The following NCAM1 variants were observed in gnomAD, a reference collection of about 807,000 sequenced individuals.
NCAM1 encodes the protein antigen recognized by monoclonal antibody 5.1H11.
A neutral mutation model predicts 109.8 loss-of-function variants in NCAM1; 14 were observed. The ratio of observed to expected loss-of-function variants is 0.13; its 90% confidence interval spans 0.08 to 0.20. The LOEUF is 0.20. NCAM1 is among the 10% of genes least tolerant of loss of function. NCAM1 has a pLI of 1.00. For missense variants in NCAM1, 774 were observed against 1,109.9 expected (o/e 0.70, Z 4.30); for synonymous variants, 418 against 442.9 (o/e 0.94, Z 0.70).
intron 1 of NCAM1, among the ~76,000 whole-genome samples, chr11:113,025,756 A>C (rs1382045921): frequency 6.9e-6 from 1 of 145,716 alleles, no homozygotes; most frequent in Non-Finnish European, 1.5e-5. Context: ...ATTGGAAATG[A>C]GATTGGAACG....
chr11:112,981,930 T>A (rs943115260), intron 1 of NCAM1, among the ~76,000 whole-genome samples: 1 of 151,900 alleles, frequency 6.6e-6, no homozygotes, highest in Non-Finnish European at 1.5e-5. Flanking sequence ...TTTTTTAGAA[T>A]GAGTTCAGTA....
chr11:113,199,227 C>T (rs184837730), intron 1 of NCAM1, among the ~76,000 whole-genome samples: 20 of 151,864 alleles, frequency 1.3e-4, no homozygotes, highest in African/African-American at 4.1e-4. Flanking sequence ...TGCCCAGTGA[C>T]GAAATTCCAC....
intron 1 of NCAM1, among the ~76,000 whole-genome samples, chr11:113,094,749 C>T (rs1939516457): frequency 1.3e-5 from 2 of 152,164 alleles, no homozygotes; most frequent in Admixed American, 1.3e-4. Context: ...TCAGCAAGGG[C>T]ATCTGGGCTA....
rs184725619 is a variant in NCAM1 at position 113,166,560 on chromosome 11, T to G, written c.53-35819T>G. ...TTTAAAGATTGATGTGATATGAATA[T>G]GAGAGGACATGGCAAAGTACAAGGA... On this transcript the variant is annotated intron_variant, in intron 1 of 19. Coordinates refer to ENST00000316851, the MANE Select transcript of NCAM1 (RefSeq NM_181351.5). Among the ~76,000 whole-genome samples, 36 of 152,338 alleles carry G rather than the reference T, an allele frequency of 2.4e-4. No homozygotes were observed. The South Asian group carries it at 5.4e-3, about 23-fold the overall frequency.
chr11:113,270,402 G>A lies in NCAM1; in HGVS notation c.2339+7G>A, dbSNP rs1555125071. On this transcript the variant is annotated splice_region_variant and intron_variant, in intron 18 of 19. Transcript: ENST00000316851. ...AGGGCAAGGCCGCCTTCTCGTGAGT[G>A]CAGACCTGTCCACCTTGCTGAGGTT... 1 of 1,613,866 alleles carries A rather than the reference G, an allele frequency of 6.2e-7. No individual in the cohort carries two copies. Among genetic ancestry groups the A allele is most frequent in the East Asian group, 2.2e-5 (1 of 44,882 alleles).
intron 9 of NCAM1, among the ~76,000 whole-genome samples, chr11:113,228,947 G>T (rs1268590042): frequency 6.6e-6 from 1 of 152,162 alleles, no homozygotes; most frequent in South Asian, 2.1e-4. Flanking sequence ...ATGGATTAAA[G>T]ACTTAAATGT....
chr11:113,000,132 A>T (rs1357390735), intron 1 of NCAM1, among the ~76,000 whole-genome samples: 1 of 152,172 alleles, frequency 6.6e-6, no homozygotes, highest in Non-Finnish European at 1.5e-5. Flanking sequence ...TACTTTTTAA[A>T]CTTAATATCA....
chr11:113,086,676 T>A (rs1555088374), intron 1 of NCAM1, among the ~76,000 whole-genome samples: 1 of 152,182 alleles, frequency 6.6e-6, no homozygotes, highest in East Asian at 1.9e-4. Flanking sequence ...TGGTTTGCCA[T>A]GTTACTTTGC....
In NCAM1 at chr11:113,278,125, T is replaced by G. The variant is rs574930445; in HGVS notation, c.*2738T>G. 4 of 152,312 alleles carry G rather than the reference T, an allele frequency of 2.6e-5. No individual in the cohort carries two copies. Among genetic ancestry groups the G allele is most frequent in the African/African-American group, 9.6e-5 (4 of 41,570 alleles). The allele number at this position is 152,312 out of a possible 1,614,324, so 9.4% of individuals were successfully genotyped here. On this transcript the variant is annotated 3_prime_UTR_variant, in exon 20 of 20. Transcript: ENST00000316851. ...GCAGGGCCACTGGACCCTGCAGGGC[T>G]GTGGTGTATATAGTGCAGCTTTGGA...
chr11:113,242,722 A>G (rs1555119335), intron 14 of NCAM1: 7 of 1,204,660 alleles, frequency 5.8e-6, no homozygotes, highest in South Asian at 3.6e-5. Context: ...CCATGTATGT[A>G]TACATATATA....
chr11:113,038,340 CA>C (rs1363410801), intron 1 of NCAM1, among the ~76,000 whole-genome samples: 7 of 152,186 alleles, frequency 4.6e-5, no homozygotes, highest in African/African-American at 1.7e-4. Context: ...ATCTTCCTCT[CA>C]TGCCATCCTT....
rs186731793 is a variant in NCAM1, at chr11:113,270,324, G to A, written c.2268G>A (p.Ala756=). 9.5e-5 allele frequency: 153 copies of A among 1,613,982 alleles called. No individual in the cohort carries two copies. The highest frequency in any genetic ancestry group is 1.6e-4 in the Middle Eastern group (1 of 6,062). ...AGTGTGGCCTGTTCATGTGCATTGC[G>A]GTCAACCTGTGTGGAAAAGCCGGGC... The part of the protein sequence containing the change: ...LNKCGLFMCI[A]VNLCGKAGPG... The change falls in exon 18 of 20, where the codon GCG becomes GCA. Residue 756 remains alanine (A), a synonymous_variant. Transcript: ENST00000316851.
chr11:113,197,844 CT>C (rs1207316338), intron 1 of NCAM1, among the ~76,000 whole-genome samples: 1 of 152,172 alleles, frequency 6.6e-6, no homozygotes, highest in African/African-American at 2.4e-5. Context: ...TTCTCTGTTG[CT>C]TTGCCCACCT....
chr11:113,121,997 G>C (rs184612442), intron 1 of NCAM1, among the ~76,000 whole-genome samples: 4 of 152,110 alleles, frequency 2.6e-5, no homozygotes, highest in African/African-American at 7.2e-5. Flanking sequence ...GATAAGGCTC[G>C]GTGTGGATGG....
rs71060290 is a variant in NCAM1, at chr11:113,132,604, ATGTGTG to A, written c.53-69733_53-69728del. ...TGGGATCAGGCATATATTAGGAAGC[ATGTGTG>A]TGTGTGTGTGTGTGTGTGTGTGTGT... On this transcript the variant is annotated intron_variant, in intron 1 of 19. Transcript: ENST00000316851. Among the ~76,000 whole-genome samples, 1,287 of 130,384 alleles carry A rather than the reference ATGTGTG, an allele frequency of 9.9e-3. 15 individuals carry two copies. Among genetic ancestry groups the A allele is most frequent in the Admixed American group, 0.024 (324 of 13,510 alleles). The allele number at this position is 130,384 out of a possible 152,430, so 85.5% of individuals were successfully genotyped here.
chr11:113,130,983 A>C (rs200708273), intron 1 of NCAM1, among the ~76,000 whole-genome samples: 1 of 152,066 alleles, frequency 6.6e-6, no homozygotes, highest in East Asian at 1.9e-4. Context: ...ACTACTAGAG[A>C]CCTTTTCTTT....
rs1327278408 is a variant in NCAM1 at position 113,275,608 on chromosome 11, C to A, written c.*221C>A. 6.1e-6 allele frequency: 3 copies of A among 492,200 alleles called. No individual in the cohort carries two copies. The highest frequency in any genetic ancestry group is 1.0e-5 in the Non-Finnish European group (3 of 297,028). The allele number at this position is 492,200 out of a possible 1,614,324, so 30.5% of individuals were successfully genotyped here. A position where few individuals can be genotyped will look rare whatever the true frequency, so the allele number is the denominator to read the frequency against. On this transcript the variant is annotated 3_prime_UTR_variant, in exon 20 of 20. Transcript: ENST00000316851. ...GTTTATAGAAAGGGTCCCTTTGTTG[C>A]ACACTCACTTGTAAGAAAATGAGAC...
At chr11:113,211,578 A>G (rs1275946439) in intron 7 of NCAM1, among the ~76,000 whole-genome samples, 2 of 152,242 alleles carry the variant, frequency 1.3e-5, no homozygotes, top group African/African-American at 2.4e-5. Flanking sequence ...TTTTGTCTCT[A>G]TTGATTCTTG....
intron 1 of NCAM1, among the ~76,000 whole-genome samples, chr11:113,150,939 T>G (rs1942203048): frequency 1.3e-5 from 2 of 152,160 alleles, no homozygotes; most frequent in African/African-American, 4.8e-5. Context: ...GAAGCCCAGA[T>G]AGTTGAGGTG....
Sources: allele counts gnomAD v4.1 joint callset (sites outside exome capture counted in the v4.1 genomes callset), GRCh38; gene constraint gnomAD v4.1.1; transcripts MANE v1.5; gene names NCBI Gene and HGNC (gene_info 2026-07-23, HGNC 2026-07-21).